The following LRP1B variants were observed in gnomAD, a reference collection of about 807,000 sequenced individuals.
The protein encoded by LRP1B is LDL receptor related protein 1B.
Under a neutral mutation model 556.6 loss-of-function variants are expected in LRP1B, and 217 were observed. That is an observed-to-expected ratio of 0.39 (90% CI 0.35 to 0.44). The LOEUF is 0.44. Ranked by LOEUF, LRP1B falls within the 20% of genes least tolerant of loss-of-function variation. LRP1B has a pLI of 1.00. For synonymous variants in LRP1B, 2,047 were observed against 1,865.8 expected (o/e 1.10, Z -2.50); for missense variants, 5,053 against 5,620.8 (o/e 0.90, Z 3.23).
chr2:141,125,267 G>T (rs72991102), intron 7 of LRP1B, among the ~76,000 whole-genome samples: 3,884 of 152,250 alleles, frequency 0.026, 162 homozygotes, highest in African/African-American at 0.088. Flanking sequence ...CTTCAAACCA[G>T]CAGGTTGCTA....
intron 66 of LRP1B, among the ~76,000 whole-genome samples, chr2:140,418,450 G>T (rs959355745): frequency 6.6e-6 from 1 of 152,160 alleles, no homozygotes; most frequent in Admixed American, 6.5e-5. Context: ...AATGACGGTG[G>T]TCTTAAAAGT....
intron 14 of LRP1B, among the ~76,000 whole-genome samples, chr2:141,006,626 C>G (rs542166392): frequency 1.3e-5 from 2 of 151,882 alleles, no homozygotes; most frequent in Non-Finnish European, 2.9e-5. Context: ...CTAAACTATA[C>G]GGTGCTAAAA....
In LRP1B at chr2:140,492,743, C is replaced by T. The variant is rs1688756125; in HGVS notation, c.9035-50G>A. Reference sequence around the variant, plus strand: ...TTAGACTTTAAGTATGTATGCTTTTCCCCTTTGCATAATTTCAGTTTAGTT... The same window carrying T: ...TTAGACTTTAAGTATGTATGCTTTTTCCCTTTGCATAATTTCAGTTTAGTT... On this transcript the variant is annotated intron_variant, in intron 56 of 90. Transcript: ENST00000389484. 2.4e-6 allele frequency: 3 copies of T among 1,258,600 alleles called. No homozygotes were observed. The South Asian group carries it at 3.6e-5, about 15-fold the overall frequency. 78.0% of individuals were successfully genotyped at this position (1,258,600 alleles called of 1,614,324 possible).
intron 25 of LRP1B, among the ~76,000 whole-genome samples, chr2:140,876,200 T>C (rs1693299698): frequency 6.6e-6 from 1 of 152,156 alleles, no homozygotes; most frequent in Non-Finnish European, 1.5e-5. Context: ...AGTAATCCTT[T>C]TGACTTTTTG....
chr2:141,169,238 A>C (rs111338816), intron 7 of LRP1B, among the ~76,000 whole-genome samples: 13 of 151,800 alleles, frequency 8.6e-5, no homozygotes, highest in African/African-American at 2.9e-4. Context: ...GTGAGCCGAG[A>C]TCATACCATT....
chr2:141,214,744 T>A (rs1682722535), intron 6 of LRP1B, among the ~76,000 whole-genome samples: 1 of 152,158 alleles, frequency 6.6e-6, no homozygotes, highest in African/African-American at 2.4e-5. Context: ...TATAGGTGCA[T>A]ATCATGGGAA....
intron 1 of LRP1B, among the ~76,000 whole-genome samples, chr2:141,987,118 C>G (rs1230982237): frequency 6.7e-6 from 1 of 150,308 alleles, no homozygotes; most frequent in Non-Finnish European, 1.5e-5. Flanking sequence ...TTATCTCCAG[C>G]ATGAAACATC....
intron 52 of LRP1B, among the ~76,000 whole-genome samples, chr2:140,508,103 G>A (rs1040284000): frequency 2.0e-5 from 3 of 152,078 alleles, no homozygotes; most frequent in Non-Finnish European, 2.9e-5. Flanking sequence ...GCAAATAACA[G>A]CAACAATTAC....
At chr2:140,792,107 C>T (rs1356963202) in intron 32 of LRP1B, among the ~76,000 whole-genome samples, 1 of 152,122 alleles carries the variant, frequency 6.6e-6, no homozygotes, top group African/African-American at 2.4e-5. Flanking sequence ...CCATATATTT[C>T]CCACTCGCTT....
intron 66 of LRP1B, among the ~76,000 whole-genome samples, chr2:140,398,437 CA>C (rs1206961808): frequency 6.6e-6 from 1 of 152,176 alleles, no homozygotes; most frequent in African/African-American, 2.4e-5. Context: ...GACACAAACA[CA>C]CACAAACACA....
chr2:140,640,397 T>C (rs1236786364), intron 41 of LRP1B, among the ~76,000 whole-genome samples: 6 of 75,336 alleles, frequency 8.0e-5, no homozygotes, highest in African/African-American at 2.4e-4. Flanking sequence ...TTTTTTTTTT[T>C]TTTTTTTTTT....
At chr2:142,119,761 T>A (rs1382141260) in intron 1 of LRP1B, among the ~76,000 whole-genome samples, 2 of 152,104 alleles carry the variant, frequency 1.3e-5, no homozygotes, top group Non-Finnish European at 2.9e-5. Flanking sequence ...CCTCTCACTC[T>A]CTCTTTCCTT....
intron 2 of LRP1B, among the ~76,000 whole-genome samples, chr2:141,519,104 CTT>C (rs1684433084): frequency 6.6e-6 from 1 of 151,922 alleles, no homozygotes; most frequent in Non-Finnish European, 1.5e-5. Flanking sequence ...TTAAAAGTGT[CTT>C]TGTCTGCTGT....
intron 83 of LRP1B, among the ~76,000 whole-genome samples, chr2:140,299,668 A>G (rs1683739921): frequency 6.6e-6 from 1 of 152,144 alleles, no homozygotes; most frequent in Non-Finnish European, 1.5e-5. Flanking sequence ...ACAACAAAAC[A>G]AATAATGGTA....
chr2:141,510,944 A>C (rs1462135383), intron 2 of LRP1B, among the ~76,000 whole-genome samples: 1 of 151,492 alleles, frequency 6.6e-6, no homozygotes, highest in East Asian at 1.9e-4. Flanking sequence ...CCATAGAATA[A>C]GAACTTTTTA....
chr2:141,856,104 T>TA (rs1698042162), intron 1 of LRP1B, among the ~76,000 whole-genome samples: 1 of 152,142 alleles, frequency 6.6e-6, no homozygotes, highest in South Asian at 2.1e-4. Context: ...ATACCATATA[T>TA]AAAAAATGTC....
chr2:140,908,731 T>A (rs1470917119), intron 21 of LRP1B, among the ~76,000 whole-genome samples: 1 of 152,126 alleles, frequency 6.6e-6, no homozygotes, highest in Non-Finnish European at 1.5e-5. Flanking sequence ...AAAAAATAAT[T>A]ATTGTTTAGC....
At chr2:141,125,858 A>AAAC (rs1553463719) in intron 7 of LRP1B, among the ~76,000 whole-genome samples, 7 of 150,518 alleles carry the variant, frequency 4.7e-5, no homozygotes, top group Non-Finnish European at 8.9e-5. Flanking sequence ...AAAAAAAAAA[A>AAAC]AAACAAAAAA....
At chr2:142,095,235 C>G (rs1706318321) in intron 1 of LRP1B, among the ~76,000 whole-genome samples, 1 of 150,878 alleles carries the variant, frequency 6.6e-6, no homozygotes, top group African/African-American at 2.4e-5. Context: ...AAGCAATGCA[C>G]AAGAGTATAA....
Sources: allele counts gnomAD v4.1 joint callset (sites outside exome capture counted in the v4.1 genomes callset), GRCh38; gene constraint gnomAD v4.1.1; transcripts MANE v1.5; gene names NCBI Gene and HGNC (gene_info 2026-07-23, HGNC 2026-07-21).